Variants in MFSD12 observed in about 807,000 individuals in gnomAD.
The protein encoded by MFSD12 is major facilitator superfamily domain containing 12, also known as major facilitator superfamily domain-containing protein 12.
In MFSD12, 67 loss-of-function variants were observed where a neutral mutation model predicts 51.2. The ratio of observed to expected loss-of-function variants is 1.31; its 90% CI spans 1.08 to 1.60. The LOEUF (loss-of-function observed/expected upper bound fraction) is 1.60. Among genes scored for constraint, MFSD12 ranks in the 40% most tolerant of loss-of-function variants. The pLI, the probability that MFSD12 is intolerant of heterozygous loss-of-function variation, is 0.00. For missense variants in MFSD12, 921 were observed against 673.0 expected, an observed-to-expected ratio of 1.37 and a Z score of -4.08; for synonymous variants, 441 against 316.7, an observed-to-expected ratio of 1.39 and a Z score of -4.17.
chr19:3,551,316 C>T lies in MFSD12; in HGVS notation c.299-122G>A. 1 of 750,192 alleles carries T rather than the reference C, an allele frequency of 1.3e-6. No homozygotes were observed. Among genetic ancestry groups the T allele is most frequent in the Non-Finnish European group, 2.1e-6 (1 of 471,790 alleles). The allele number at this position is 750,192 out of a possible 1,614,324, so 46.5% of individuals were successfully genotyped here. On this transcript the variant is annotated intron_variant, in intron 1 of 9. Coordinates refer to ENST00000355415, the MANE Select transcript of MFSD12 (RefSeq NM_174983.5). The surrounding 1 kb of genome is among the most constrained non-coding windows in gnomAD (Gnocchi z 4.6). ...CAGATGGAGACGCCCCCCGCATGCA[C>T]ACAGTCACGCAGGAGCGAGGGTCTG...
chr19:3,541,072 G>A (rs1471672857), downstream of MFSD12, among the ~76,000 whole-genome samples: 3 of 150,622 alleles, frequency 2.0e-5, no homozygotes, highest in African/African-American at 7.3e-5. Context: ...GGGAGGCTGA[G>A]GCAGGAGAAT....
intron 4 of MFSD12, chr19:3,538,780 TG>T (rs1256443018): frequency 5.7e-6 from 3 of 526,790 alleles, no homozygotes; most frequent in Non-Finnish European, 1.2e-5. Flanking sequence ...ACAAACGGAC[TG>T]GATGTGAGTG....
At position 3,551,057 on chromosome 19, in the gene MFSD12, G is replaced by A. The variant is rs777779411; in HGVS notation, c.436C>T (p.Gln146Ter). The change falls in exon 2 of 10, where the codon CAG becomes TAG. Residue 146 changes from glutamine (Q) to a stop codon, truncating the protein, a stop_gained. Transcript: ENST00000355415. LOFTEE classifies it high-confidence loss of function. This position sits in a 1 kb window ranked among gnomAD's most constrained non-coding sequence, Gnocchi z 4.6. ...VIFQFGWAST[Q>*]ISHLSLIPEL... ...GGGATGAGGCTGAGGTGGGAGATCT[G>A]TGTGGAGGCCCAGCCAAACTGGAAG... The A allele has an allele frequency of 6.2e-7, 1 of 1,613,012 alleles. No individual in the cohort carries two copies. The highest frequency in any genetic ancestry group is 1.1e-5 in the South Asian group (1 of 91,072).
rs1343269208 is a variant in MFSD12, at chr19:3,544,472, G to A, written c.*238C>T. ...AGAGGGGCACCCCAAATCCTCCAGA[G>A]GGCTGGGATGGATTAGAGTTGAGAA... On this transcript the variant is annotated 3_prime_UTR_variant, in exon 10 of 10. Transcript: ENST00000355415. 2 of 1,371,936 alleles carry A rather than the reference G, an allele frequency of 1.5e-6. No homozygotes were observed. Among genetic ancestry groups the A allele is most frequent in the Non-Finnish European group, 1.9e-6 (2 of 1,065,374 alleles). The allele number at this position is 1,371,936 out of a possible 1,614,324, so 85.0% of individuals were successfully genotyped here.
downstream of MFSD12, chr19:3,543,690 G>A: frequency 6.6e-7 from 1 of 1,523,228 alleles, no homozygotes; most frequent in South Asian, 1.2e-5. Flanking sequence ...GGTGAGGCTA[G>A]GTGCAGGGTG....
At chr19:3,538,758 TG>T (rs753347237) in intron 4 of MFSD12, 11 of 503,132 alleles carry the variant, frequency 2.2e-5, no homozygotes, top group African/African-American at 2.1e-4. Context: ...GGTCTCATCC[TG>T]GGTGTATTTT....
intron 1 of MFSD12, among the ~76,000 whole-genome samples, chr19:3,553,694 C>T (rs559081066): frequency 9.4e-4 from 111 of 117,874 alleles, no homozygotes; most frequent in African/African-American, 3.1e-3. Flanking sequence ...GGTGTGAATC[C>T]GGGAGGCAGA....
chr19:3,543,174 A>G (rs1329581651), downstream of MFSD12: 2 of 1,522,804 alleles, frequency 1.3e-6, no homozygotes, highest in Non-Finnish European at 1.8e-6. Flanking sequence ...CAGACATCGC[A>G]AAGGGGTCAA....
chr19:3,545,484 G>A (rs1180167705), intron 8 of MFSD12, among the ~76,000 whole-genome samples: 1 of 152,198 alleles, frequency 6.6e-6, no homozygotes, highest in Non-Finnish European at 1.5e-5. Flanking sequence ...CAGGGCTTTG[G>A]CACTACTTGT....
Position 3,544,850 on chromosome 19 carries a change from C to T in MFSD12, c.1379G>A (p.Cys460Tyr). 2 of 1,612,268 alleles carry T rather than the reference C, an allele frequency of 1.2e-6. No homozygotes were observed. The highest frequency in any genetic ancestry group is 1.7e-6 in the Non-Finnish European group (2 of 1,179,692). Residue 460 changes from cysteine to tyrosine, a missense_variant, in exon 9 of 10, where the codon TGT becomes TAT. By Grantham distance (194) the Cys-to-Tyr change is radical. Coordinates refer to ENST00000355415, the MANE Select transcript of MFSD12 (RefSeq NM_174983.5). Reference protein sequence around the residue: ...TGGVGVAAALCLCSLLLWPTR... With the variant: ...TGGVGVAAALYLCSLLLWPTR... ...CGGCCACAGCAGGAGGCTACAGAGA[C>T]ACAGGGCAGCGGCCACGCCCACGCC...
At chr19:3,539,312 C>G (rs1170067443), downstream of MFSD12, 1 of 1,149,096 alleles carries the variant, frequency 8.7e-7, no homozygotes, top group Non-Finnish European at 1.3e-6. Flanking sequence ...TCCCTCCCTC[C>G]CTGGGTGTCA....
In MFSD12 at chr19:3,548,029, T is replaced by C. The variant is rs1599830759; in HGVS notation, c.656A>G (p.Asn219Ser). The change falls in exon 4 of 10, where the codon AAC becomes AGC. Residue 219 changes from asparagine to serine, a missense_variant and splice_region_variant. Transcript: ENST00000355415. ...LGGQDVPVFR[N>S]LSLLVVGVGA... ...GACACCCACCACCAGCAGGGACAGG[T>C]TCTGGGGATGCAGCAGAAGCAGTCA... The C allele has an allele frequency of 6.3e-7, 1 of 1,599,268 alleles. No individual in the cohort carries two copies. The highest frequency in any genetic ancestry group is 8.5e-7 in the Non-Finnish European group (1 of 1,179,210).
chr19:3,546,136 G>C lies in MFSD12; in HGVS notation c.1227C>G (p.Ser409Arg). ...NSGAFVYGSM[S>R]FLDKVANGLA... ...GCCCATTGGCCACCTTATCCAAGAA[G>C]CTCATGGAGCCGTACACGAACGCTC... The change falls in exon 8 of 10, where the codon AGC (serine) becomes AGG (arginine). Residue 409 changes from serine to arginine, a missense_variant. Transcript: ENST00000355415. The C allele has an allele frequency of 6.2e-7, 1 of 1,613,310 alleles. No individual in the cohort carries two copies. Among genetic ancestry groups the C allele is most frequent in the East Asian group, 2.2e-5 (1 of 44,892 alleles).
chr19:3,547,192 T>A, intron 6 of MFSD12, 80 bp downstream of exon 6: 1 of 1,288,312 alleles, frequency 7.8e-7, no homozygotes, highest in African/African-American at 1.5e-5. Context: ...CATCCGAGGA[T>A]GGAACCCGGA....
downstream of MFSD12, chr19:3,539,813 G>A (rs1404083678): frequency 1.3e-5 from 2 of 153,884 alleles, no homozygotes; most frequent in Non-Finnish European, 2.9e-5. Flanking sequence ...CATGTCCTGA[G>A]GCTCTGGGCA....
chr19:3,545,825 G>C (rs1359157366), intron 8 of MFSD12, among the ~76,000 whole-genome samples: 1 of 152,168 alleles, frequency 6.6e-6, no homozygotes, highest in Admixed American at 6.5e-5. Context: ...CCTTCCAGCT[G>C]GGCCCACCCC....
rs566222618 is a variant in MFSD12, at chr19:3,544,563, C to T, written c.*147G>A. On this transcript the variant is annotated 3_prime_UTR_variant, in exon 10 of 10. Transcript: ENST00000355415. Reference sequence around the variant, plus strand: ...GGCGGGCATCCCTGCTGCCCTCACCCGACCCCACCCCCGGGAGCTGGGTGA... The same window carrying T: ...GGCGGGCATCCCTGCTGCCCTCACCTGACCCCACCCCCGGGAGCTGGGTGA... 4.8e-5 allele frequency: 69 copies of T among 1,445,024 alleles called. No homozygotes were observed. In the Admixed American group the frequency reaches 4.9e-4, roughly 10 times the overall value. The allele number at this position is 1,445,024 out of a possible 1,614,324, so 89.5% of individuals were successfully genotyped here.
rs201466441 is a variant in MFSD12, at chr19:3,544,872, C to T, written c.1357G>A (p.Val453Met). 339 of 1,611,296 alleles carry T rather than the reference C, an allele frequency of 2.1e-4. 1 individual carries two copies. Among genetic ancestry groups the T allele is most frequent in the South Asian group, 3.1e-4 (28 of 91,014 alleles). ...AGACACAGGGCAGCGGCCACGCCCACGCCGCCCGTCACAGCCACCATCGCC... is the reference window on the plus strand; with the variant it reads ...AGACACAGGGCAGCGGCCACGCCCATGCCGCCCGTCACAGCCACCATCGCC... ...HWAMVAVTGG[V>M]GVAAALCLCS... Residue 453 changes from valine (V) to methionine (M), a missense_variant, in exon 9 of 10, where the codon GTG (valine) becomes ATG (methionine). Transcript: ENST00000355415.
At chr19:3,550,326 A>C (rs746386900) in intron 2 of MFSD12, among the ~76,000 whole-genome samples, 1 of 151,972 alleles carries the variant, frequency 6.6e-6, no homozygotes, top group Non-Finnish European at 1.5e-5. Flanking sequence ...AGGCAGGAGG[A>C]TCGCTTGAGC....
Sources: allele counts gnomAD v4.1 joint callset (sites outside exome capture counted in the v4.1 genomes callset), GRCh38; gene constraint gnomAD v4.1.1; non-coding constraint Gnocchi (gnomAD v3.1); transcripts MANE v1.5; gene names NCBI Gene and HGNC (gene_info 2026-07-23, HGNC 2026-07-21).